Variants in DLEC1 observed in about 807,000 individuals in gnomAD.
DLEC1 encodes the protein DLEC1 cilia and flagella associated protein.
Under a neutral mutation model 198.1 loss-of-function variants are expected in DLEC1, and 146 were observed. That is an observed-to-expected ratio of 0.74 (90% CI 0.64 to 0.85). The LOEUF is 0.85. Among genes scored for constraint, DLEC1 ranks in the 40% least tolerant of loss-of-function variants. The pLI, the probability that DLEC1 is intolerant of heterozygous loss-of-function variation, is 0.00. For synonymous variants in DLEC1, 897 were observed against 866.8 expected (o/e 1.03, Z -0.61); for missense variants, 2,233 against 2,220.0 (o/e 1.01, Z -0.12).
At chr3:38,065,955 G>A (rs1357160368) in intron 6 of DLEC1, among the ~76,000 whole-genome samples, 1 of 152,206 alleles carries the variant, frequency 6.6e-6, no homozygotes, top group Non-Finnish European at 1.5e-5. Context: ...TTGCGTTATT[G>A]TGGTGACATT....
chr3:38,098,672 C>T (rs937858256), intron 18 of DLEC1, among the ~76,000 whole-genome samples: 10 of 152,060 alleles, frequency 6.6e-5, no homozygotes, highest in Non-Finnish European at 1.3e-4. Context: ...GTCAGAACAC[C>T]GCACACTTTT....
At chr3:38,093,834 G>C in intron 12 of DLEC1, 67 bp downstream of exon 12, 1 of 1,587,856 alleles carries the variant, frequency 6.3e-7, no homozygotes, top group Non-Finnish European at 8.6e-7. Flanking sequence ...CTCAGTCCCA[G>C]TGAGACAGGA....
At position 38,094,954 on chromosome 3, in the gene DLEC1, C is replaced by T. The variant is rs1053436726; in HGVS notation, c.1995C>T (p.Ser665=). The T allele has an allele frequency of 6.2e-7, 1 of 1,614,114 alleles. No individual in the cohort carries two copies. Among genetic ancestry groups the T allele is most frequent in the African/African-American group, 1.3e-5 (1 of 74,932 alleles). The change falls in exon 13 of 37, where the codon AGC becomes AGT. Residue 665 remains serine (S), a synonymous_variant. Coordinates refer to ENST00000308059, the MANE Select transcript of DLEC1 (RefSeq NM_007335.4). Reference sequence around the variant, plus strand: ...CCCTCATGCCTGGAGAAACCTTCAGCATGGACAGCATCAAGTGCTACCCCG... The same window carrying T: ...CCCTCATGCCTGGAGAAACCTTCAGTATGGACAGCATCAAGTGCTACCCCG... ...LQPLMPGETF[S]MDSIKCYPDK...
intron 2 of DLEC1, among the ~76,000 whole-genome samples, chr3:38,048,149 T>C (rs1392871172): frequency 6.6e-6 from 1 of 152,248 alleles, no homozygotes; most frequent in African/African-American, 2.4e-5. Context: ...GACAATCAGC[T>C]GTCTTTGATA....
chr3:38,080,034 A>G (rs1449756445), intron 6 of DLEC1, among the ~76,000 whole-genome samples: 1 of 152,198 alleles, frequency 6.6e-6, no homozygotes, highest in Non-Finnish European at 1.5e-5. Context: ...AGGGCTGTAA[A>G]GCGTCTCAGG....
intron 5 of DLEC1, among the ~76,000 whole-genome samples, chr3:38,063,330 G>T (rs1011911160): frequency 2.6e-5 from 4 of 152,202 alleles, no homozygotes; most frequent in Admixed American, 1.3e-4. Flanking sequence ...GGGTATGGTG[G>T]CATGCACCTG....
chr3:38,076,582 G>A (rs954200975), intron 6 of DLEC1, among the ~76,000 whole-genome samples: 17 of 152,058 alleles, frequency 1.1e-4, no homozygotes, highest in East Asian at 3.8e-4. Flanking sequence ...GGCAAGGACC[G>A]GCCATTTACA....
chr3:38,100,448 C>T, intron 19 of DLEC1, 23 bp downstream of exon 19: 5 of 1,598,376 alleles, frequency 3.1e-6, no homozygotes, highest in Non-Finnish European at 4.3e-6. Context: ...TGGGAAGAGC[C>T]ACTACAACAA....
chr3:38,056,554 C>A (rs1444897588), intron 2 of DLEC1, among the ~76,000 whole-genome samples: 2 of 152,196 alleles, frequency 1.3e-5, no homozygotes, highest in African/African-American at 2.4e-5. Context: ...AAGTGATCTG[C>A]CCACCTCGGC....
chr3:38,051,865 G>C (rs1281406683), intron 2 of DLEC1: 1 of 153,912 alleles, frequency 6.5e-6, no homozygotes, highest in Non-Finnish European at 1.4e-5. Context: ...AGAGCAGAAA[G>C]TTATAACTTG....
intron 2 of DLEC1, among the ~76,000 whole-genome samples, chr3:38,055,015 A>T (rs1274856176): frequency 6.6e-6 from 1 of 152,234 alleles, no homozygotes; most frequent in Non-Finnish European, 1.5e-5. Flanking sequence ...AGAGGAATCA[A>T]AGAGAACGTC....
chr3:38,093,612 G>A lies in DLEC1; in HGVS notation c.1764G>A (p.Gly588=), dbSNP rs1698854501. 1 of 1,614,028 alleles carries A rather than the reference G, an allele frequency of 6.2e-7. No homozygotes were observed. Among genetic ancestry groups the A allele is most frequent in the Non-Finnish European group, 8.5e-7 (1 of 1,180,038 alleles). ...QIKELVTIGI[G]QLIALDLIYI... ...CTTACTCTACTTTGGCAGGAATTGG[G>A]CAGCTGATTGCTTTGGATCTGATCT... Residue 588 remains glycine, a synonymous_variant, in exon 12 of 37, where the codon GGG becomes GGA. Coordinates refer to ENST00000308059, the MANE Select transcript of DLEC1 (RefSeq NM_007335.4).
intron 6 of DLEC1, among the ~76,000 whole-genome samples, chr3:38,069,436 T>C (rs1191930818): frequency 6.6e-6 from 1 of 152,018 alleles, no homozygotes; most frequent in East Asian, 1.9e-4. Flanking sequence ...CTTAAGAACA[T>C]AGGTGCAGAA....
At chr3:38,072,407 A>T (rs1295068975) in intron 6 of DLEC1, among the ~76,000 whole-genome samples, 1 of 152,234 alleles carries the variant, frequency 6.6e-6, no homozygotes, top group African/African-American at 2.4e-5. Flanking sequence ...CTAAAACAGT[A>T]AGGTCAAGTT....
In DLEC1 at chr3:38,115,123, G is replaced by T; in HGVS notation, c.3856+70G>T. On this transcript the variant is annotated intron_variant, in intron 27 of 36. Coordinates refer to ENST00000308059, the MANE Select transcript of DLEC1 (RefSeq NM_007335.4). The stretch of plus-strand genomic sequence containing the variant: ...GCCTTGTGGTGAGCCAGGCTGGGAG[G>T]GAAGGTGGGAGGGAAGCCGATGGCC... The T allele has an allele frequency of 2.5e-6, 4 of 1,575,994 alleles. No homozygotes were observed. In the East Asian group the frequency reaches 9.0e-5, roughly 35 times the overall value.
chr3:38,109,446 T>A lies in DLEC1; in HGVS notation c.3144T>A (p.His1048Gln). 1 of 1,614,172 alleles carries A rather than the reference T, an allele frequency of 6.2e-7. No homozygotes were observed. Among genetic ancestry groups the A allele is most frequent in the Non-Finnish European group, 8.5e-7 (1 of 1,180,000 alleles). Residue 1048 changes from histidine (H) to glutamine (Q), a missense_variant, in exon 22 of 37, where the codon CAT (histidine) becomes CAA (glutamine). Coordinates refer to ENST00000308059, the MANE Select transcript of DLEC1 (RefSeq NM_007335.4). ...CTTTCTTATAGGAAGAGCTGACCCA[T>A]CTGGCCCTCCCTTGTCACGTGTCAG... ...LTAHTQEELT[H>Q]LALPCHVSGM...
chr3:38,098,053 G>A, intron 18 of DLEC1, 151 bp downstream of exon 18: 1 of 938,416 alleles, frequency 1.1e-6, no homozygotes, highest in Non-Finnish European at 1.6e-6. Context: ...GGTGCCTCCT[G>A]TTCTCCCCAT....
At chr3:38,114,924 C>T in intron 26 of DLEC1, 59 bp from the exon 27 acceptor site, 2 of 1,520,660 alleles carry the variant, frequency 1.3e-6, no homozygotes, top group Non-Finnish European at 1.8e-6. Context: ...AGCCCTCCTC[C>T]CTACCTGCAA....
At position 38,097,171 on chromosome 3, in the gene DLEC1, G is replaced by A. The variant is rs1158772852; in HGVS notation, c.2341-11G>A. On this transcript the variant is annotated splice_polypyrimidine_tract_variant and intron_variant, in intron 15 of 36. Transcript: ENST00000308059. ...CAGTAAATGGGCAGCCTGGTCTCGG[G>A]TGTCTTTCAGATGTGGAACAACAGC... 5 of 1,561,458 alleles carry A rather than the reference G, an allele frequency of 3.2e-6. No homozygotes were observed. Among genetic ancestry groups the A allele is most frequent in the African/African-American group, 1.4e-5 (1 of 73,672 alleles).
Sources: gnomAD v4.1 joint callset for allele counts (sites outside exome capture counted in the v4.1 genomes callset) on GRCh38, gnomAD v4.1.1 for gene constraint, MANE v1.5 for transcripts, NCBI Gene and HGNC (gene_info 2026-07-23, HGNC 2026-07-21) for gene names.